The following NXF1 variants were observed in gnomAD, a reference collection of about 807,000 sequenced individuals.
The protein encoded by NXF1 is nuclear RNA export factor 1.
NXF1 carries 43 observed loss-of-function variants against 92.4 expected under a neutral mutation model. The observed-to-expected ratio is 0.47, with a 90% CI of 0.36 to 0.60. NXF1 has a LOEUF of 0.60. Ranked by LOEUF, NXF1 falls within the 20% of genes least tolerant of loss-of-function variation. NXF1 has a pLI of 0.00. For missense variants in NXF1, 576 were observed against 793.0 expected (o/e 0.73, Z 3.29); for synonymous variants, 288 against 292.2 (o/e 0.99, Z 0.15).
In NXF1 at chr11:62,796,351, G is replaced by T; in HGVS notation, c.1287-6C>A. ...AATACTCGGCTAAGCTGCTTCTGGG[G>T]GAATAAAAGGAATGGACGTGGTGTT... On this transcript the variant is annotated splice_polypyrimidine_tract_variant and splice_region_variant and intron_variant, in intron 14 of 20. Coordinates refer to ENST00000294172, the MANE Select transcript of NXF1 (RefSeq NM_006362.5). 1.2e-6 allele frequency: 2 copies of T among 1,614,110 alleles called. No homozygotes were observed.
chr11:62,803,705 A>T, intron 2 of NXF1, 87 bp downstream of exon 2: 1 of 1,538,866 alleles, frequency 6.5e-7, no homozygotes, highest in Non-Finnish European at 8.9e-7. Context: ...TCACTCTAAC[A>T]GGTGGGAAAG....
intron 10 of NXF1, chr11:62,800,104 A>C: frequency 3.1e-6 from 4 of 1,293,048 alleles, no homozygotes; most frequent in Non-Finnish European, 2.0e-6. Context: ...ACAACAGGGT[A>C]GGGAGATTCT....
Position 62,792,375 on chromosome 11 carries a change from G to T in NXF1, c.*101C>A. The T allele has an allele frequency of 7.0e-7, 1 of 1,435,134 alleles. No homozygotes were observed. The allele number at this position is 1,435,134 out of a possible 1,614,324, so 88.9% of individuals were successfully genotyped here. A position where few individuals can be genotyped will look rare whatever the true frequency, so the allele number is the denominator to read the frequency against. On this transcript the variant is annotated 3_prime_UTR_variant, in exon 21 of 21. Coordinates refer to ENST00000294172, the MANE Select transcript of NXF1 (RefSeq NM_006362.5). ...CCTCCCTCCCTCGGTCACAGTCACG[G>T]GGCGGCCTCGGGCCAGACAGGAGGA...
At position 62,803,831 on chromosome 11, in the gene NXF1, A is replaced by G; in HGVS notation, c.176T>C (p.Val59Ala). The G allele has an allele frequency of 6.2e-7, 1 of 1,614,194 alleles. No homozygotes were observed. Among genetic ancestry groups the G allele is most frequent in the South Asian group, 1.1e-5 (1 of 91,084 alleles). ...SSRLEEDDGD[V>A]AMSDAQDGPR... ...ACCATCCTGGGCATCACTCATTGCC[A>G]CATCTCCATCATCTTCCTCAAGGCG... The change falls in exon 2 of 21, where the codon GTG becomes GCG. Residue 59 changes from valine to alanine, a missense_variant. This residue lies in a region of NXF1 where 151 missense variants were observed against 157.8 expected (regional missense o/e 0.96). Coordinates refer to ENST00000294172, the MANE Select transcript of NXF1 (RefSeq NM_006362.5).
rs763213550 is a variant in NXF1, at chr11:62,797,400, G to A, written c.1054-14C>T. The A allele has an allele frequency of 6.2e-7, 1 of 1,611,530 alleles. No individual in the cohort carries two copies. Among genetic ancestry groups the A allele is most frequent in the Admixed American group, 1.7e-5 (1 of 59,664 alleles). Reference sequence around the variant, plus strand: ...CTCATGGCCATCCTGTGGAAAGGAAGTAAAAGTTGACAGTGTAGACTGGGC... The same window carrying A: ...CTCATGGCCATCCTGTGGAAAGGAAATAAAAGTTGACAGTGTAGACTGGGC... On this transcript the variant is annotated splice_polypyrimidine_tract_variant and intron_variant, in intron 11 of 20. Coordinates refer to ENST00000294172, the MANE Select transcript of NXF1 (RefSeq NM_006362.5).
At chr11:62,800,010 C>G in intron 10 of NXF1, 1 of 1,020,826 alleles carries the variant, frequency 9.8e-7, no homozygotes, top group Non-Finnish European at 1.2e-6. Context: ...GGACACCAGG[C>G]TCTTGGCACA....
In NXF1 at chr11:62,800,221, G is replaced by A. The variant is rs777738730; in HGVS notation, c.1016+156C>T. ...TCTCAGGACAAAGCTGGAAGACACA[G>A]ACAGACCAAAGTGGGGAGCACGCGA... is the stretch of plus-strand genomic sequence containing the variant. On this transcript the variant is annotated intron_variant, in intron 10 of 20. Coordinates refer to ENST00000294172, the MANE Select transcript of NXF1 (RefSeq NM_006362.5). 1.3e-5 allele frequency: 19 copies of A among 1,451,324 alleles called. No individual in the cohort carries two copies. The South Asian group carries it at 1.7e-4, about 13-fold the overall frequency. 89.9% of individuals were successfully genotyped at this position (1,451,324 alleles called of 1,614,324 possible). A position where few individuals can be genotyped will look rare whatever the true frequency, so the allele number is the denominator to read the frequency against.
At position 62,796,504 on chromosome 11, in the gene NXF1, G is replaced by A; in HGVS notation, c.1242C>T (p.Ala414=). The A allele has an allele frequency of 1.9e-6, 3 of 1,614,184 alleles. No individual in the cohort carries two copies. Among genetic ancestry groups the A allele is most frequent in the Non-Finnish European group, 2.5e-6 (3 of 1,180,016 alleles). ...QGLLDAYHDG[A]CCSLSIPFIP... ...TGAAAGGAATGCTCAGGGAACAGCA[G>A]GCCCCATCATGGTAGGCATCCAGGA... Residue 414 remains alanine, a synonymous_variant, in exon 14 of 21, where the codon GCC becomes GCT. Coordinates refer to ENST00000294172, the MANE Select transcript of NXF1 (RefSeq NM_006362.5).
In NXF1 at chr11:62,803,898, T is replaced by A. The variant is rs550521225; in HGVS notation, c.109A>T (p.Asn37Tyr). 6.2e-7 allele frequency: 1 copy of A among 1,614,224 alleles called. No homozygotes were observed. Among genetic ancestry groups the A allele is most frequent in the South Asian group, 1.1e-5 (1 of 91,086 alleles). The stretch of plus-strand genomic sequence containing the variant: ...GAACCGCCTCTTCCAGACCTACGGT[T>A]TCCTTCACCATATTTCCACCGGAAG... ...GPFRWKYGEG[N>Y]RRSGRGGSGI... Residue 37 changes from asparagine (N) to tyrosine (Y), a missense_variant, in exon 2 of 21, where the codon AAC (asparagine) becomes TAC (tyrosine). Asn to Tyr is a moderately radical substitution (Grantham distance 143). Coordinates refer to ENST00000294172, the MANE Select transcript of NXF1 (RefSeq NM_006362.5).
At position 62,792,533 on chromosome 11, in the gene NXF1, C is replaced by T; in HGVS notation, c.1822-19G>A. ...CCTTGGCCTGGAGAAAAATGAAGGT[C>T]AGTAGAGGTAGGCCTACCCTCGCCA... is the stretch of plus-strand genomic sequence containing the variant. On this transcript the variant is annotated intron_variant, in intron 20 of 20. Coordinates refer to ENST00000294172, the MANE Select transcript of NXF1 (RefSeq NM_006362.5). 6.2e-7 allele frequency: 1 copy of T among 1,614,212 alleles called. No homozygotes were observed. Among genetic ancestry groups the T allele is most frequent in the East Asian group, 2.2e-5 (1 of 44,884 alleles).
intron 10 of NXF1, chr11:62,799,708 C>T: frequency 6.1e-6 from 6 of 986,166 alleles, no homozygotes; most frequent in Non-Finnish European, 7.2e-6. Context: ...CCAGCACCTG[C>T]CTTGGGATTC....
intron 1 of NXF1, 117 bp downstream of exon 1, chr11:62,805,198 GGCCCCCCGCGCGCC>G: frequency 1.3e-6 from 1 of 791,806 alleles, no homozygotes. Context: ...TCGAGTGCCC[GGCCCCCCGCGCGCC>G]GCTCCCCGCG....
Position 62,792,517 on chromosome 11 carries a change from G to A in NXF1, c.1822-3C>T. The A allele has an allele frequency of 6.2e-7, 1 of 1,614,182 alleles. No homozygotes were observed. Among genetic ancestry groups the A allele is most frequent in the Non-Finnish European group, 8.5e-7 (1 of 1,180,028 alleles). ...ACTTCTGGGATCTCGCCCTTGGCCT[G>A]GAGAAAAATGAAGGTCAGTAGAGGT... On this transcript the variant is annotated splice_region_variant and splice_polypyrimidine_tract_variant and intron_variant, in intron 20 of 20. Coordinates refer to ENST00000294172, the MANE Select transcript of NXF1 (RefSeq NM_006362.5).
rs1167384256 is a variant in NXF1, at chr11:62,795,888, T to A, written c.1504+13A>T. ...GGACCACGCTACAAACTCGGGACTC[T>A]AAAGATTCTTACCTTCCTTGAAGAC... On this transcript the variant is annotated intron_variant, in intron 17 of 20. Coordinates refer to ENST00000294172, the MANE Select transcript of NXF1 (RefSeq NM_006362.5). The A allele has an allele frequency of 6.2e-7, 1 of 1,612,828 alleles. No homozygotes were observed. Among genetic ancestry groups the A allele is most frequent in the East Asian group, 2.2e-5 (1 of 44,874 alleles).
chr11:62,804,012 A>C (rs754888671), intron 1 of NXF1, 34 bp from the exon 2 acceptor site: 10 of 1,606,548 alleles, frequency 6.2e-6, no homozygotes, highest in Non-Finnish European at 8.5e-6. Flanking sequence ...AATTAGAAGT[A>C]AGTAACTGGT....
intron 10 of NXF1, 109 bp downstream of exon 10, chr11:62,800,268 T>A (rs2084464434): frequency 2.6e-6 from 4 of 1,547,642 alleles, no homozygotes; most frequent in Non-Finnish European, 3.5e-6. Flanking sequence ...GACAGGTGGT[T>A]CCAGCTCAGG....
chr11:62,792,559 C>G lies in NXF1; in HGVS notation c.1822-45G>C, dbSNP rs2084376125. On this transcript the variant is annotated intron_variant, in intron 20 of 20. Coordinates refer to ENST00000294172, the MANE Select transcript of NXF1 (RefSeq NM_006362.5). ...AGTAGAGGTAGGCCTACCCTCGCCA[C>G]TCAGCAACCCCACTCAGCTAACCTG... The G allele has an allele frequency of 8.1e-6, 13 of 1,610,772 alleles. No individual in the cohort carries two copies. In the Admixed American group the frequency reaches 8.4e-5, roughly 10 times the overall value.
chr11:62,801,633 T>TAC lies in NXF1; in HGVS notation c.640-3_640-2insGT, dbSNP rs146787397. On this transcript the variant is annotated splice_region_variant and splice_polypyrimidine_tract_variant and intron_variant, in intron 6 of 20. Transcript: ENST00000294172. ...ATCGTATCGTTTGCTCATGATCAGCTAGAGGAAAAAGAAGGGTTTAGTGGT... is the reference window on the plus strand; with the variant it reads ...ATCGTATCGTTTGCTCATGATCAGCTACAGAGGAAAAAGAAGGGTTTAGTGGT... 0.061 allele frequency: 99,169 copies of TAC among 1,613,564 alleles called. 3,943 individuals carry two copies. Among genetic ancestry groups the TAC allele is most frequent in the East Asian group, 0.15 (6,891 of 44,854 alleles).
Position 62,792,232 on chromosome 11 carries a change from T to A in NXF1, c.*244A>T. 1.5e-6 allele frequency: 1 copy of A among 669,428 alleles called. No homozygotes were observed. The highest frequency in any genetic ancestry group is 2.6e-6 in the Non-Finnish European group (1 of 385,982). The allele number at this position is 669,428 out of a possible 1,614,324, so 41.5% of individuals were successfully genotyped here. A position where few individuals can be genotyped will look rare whatever the true frequency, so the allele number is the denominator to read the frequency against. On this transcript the variant is annotated 3_prime_UTR_variant, in exon 21 of 21. Coordinates refer to ENST00000294172, the MANE Select transcript of NXF1 (RefSeq NM_006362.5). ...CCTGGGGTTAAGTACACAAAGCACC[T>A]AAGTCCTTCGGGTAGTTTAGTGTCA... is the stretch of plus-strand genomic sequence containing the variant.
Sources: allele counts gnomAD v4.1 joint callset, GRCh38; gene constraint gnomAD v4.1.1; regional missense constraint gnomAD v4.1.1; transcripts MANE v1.5; gene names NCBI Gene and HGNC (gene_info 2026-07-23, HGNC 2026-07-21).